The following RPS3 variants were observed in gnomAD, a reference collection of about 807,000 sequenced individuals.
RPS3 encodes ribosomal protein S3.
Under a neutral mutation model 25.8 loss-of-function variants are expected in RPS3, and 2 were observed. The observed-to-expected ratio is 0.08, with a 90% CI of 0.03 to 0.24. The LOEUF is 0.24. RPS3 is among the 10% of genes least tolerant of loss of function. RPS3 has a pLI of 1.00. For missense variants in RPS3, 107 were observed against 307.1 expected, an observed-to-expected ratio of 0.35 and a Z score of 4.87; for synonymous variants, 114 against 114.2, an observed-to-expected ratio of 1.00 and a Z score of 0.01.
At chr11:75,419,729 G>A (rs1049370138) in intron 6 of RPS3, among the ~76,000 whole-genome samples, 1 of 151,954 alleles carries the variant, frequency 6.6e-6, no homozygotes, top group African/African-American at 2.4e-5. Flanking sequence ...CACCTCCCAG[G>A]TTCAAGCAAT....
chr11:75,410,047 G>C (rs1243952359), downstream of RPS3, among the ~76,000 whole-genome samples: 2 of 143,072 alleles, frequency 1.4e-5, no homozygotes, highest in Non-Finnish European at 3.1e-5. Context: ...TCCCGGACGG[G>C]GCGGCTGGCC....
intron 6 of RPS3, among the ~76,000 whole-genome samples, chr11:75,421,268 C>T (rs1425941992): frequency 6.6e-6 from 1 of 152,136 alleles, no homozygotes; most frequent in Non-Finnish European, 1.5e-5. Context: ...GTAGACAGGG[C>T]CCTGGGGCTT....
At chr11:75,402,140 T>A in intron 3 of RPS3, 1 of 631,204 alleles carries the variant, frequency 1.6e-6, no homozygotes, top group Non-Finnish European at 2.7e-6. Flanking sequence ...GAAGAAGAAA[T>A]GTCTTGGGCC....
downstream of RPS3, among the ~76,000 whole-genome samples, chr11:75,407,231 T>C (rs1486053727): frequency 1.3e-5 from 2 of 152,068 alleles, no homozygotes; most frequent in South Asian, 2.1e-4. Flanking sequence ...CTCCGCCTCC[T>C]GGGTTCAAGC....
At chr11:75,421,687 AGTT>A (rs1457501126) in intron 6 of RPS3, 1 of 152,198 alleles carries the variant, frequency 6.6e-6, no homozygotes, top group Non-Finnish European at 1.5e-5. Context: ...TCCACTCCGT[AGTT>A]GTTCAGGGAT....
chr11:75,407,671 C>T (rs962047425), downstream of RPS3, among the ~76,000 whole-genome samples: 5 of 151,792 alleles, frequency 3.3e-5, no homozygotes, highest in East Asian at 1.9e-4. Flanking sequence ...GGGGTTTCAC[C>T]GTGTTAGCCA....
At chr11:75,402,143 C>A (rs528954822) in intron 3 of RPS3, 1 of 648,328 alleles carries the variant, frequency 1.5e-6, no homozygotes, top group African/African-American at 1.8e-5. Flanking sequence ...GAAGAAATGT[C>A]TTGGGCCACA....
intron 4 of RPS3, 114 bp downstream of exon 4, chr11:75,402,560 C>T: frequency 8.9e-7 from 1 of 1,127,592 alleles, no homozygotes; most frequent in Non-Finnish European, 1.3e-6. Flanking sequence ...TGCTAGTCTC[C>T]CAGGGTTATA....
intron 3 of RPS3, 111 bp downstream of exon 3, chr11:75,401,844 C>A: frequency 1.4e-6 from 1 of 691,964 alleles, no homozygotes; most frequent in Admixed American, 2.6e-5. Flanking sequence ...ACTGGTATAA[C>A]TGTTGAAATT....
At chr11:75,413,147 C>T (rs1324533636) in intron 6 of RPS3, among the ~76,000 whole-genome samples, 2 of 152,160 alleles carry the variant, frequency 1.3e-5, no homozygotes, top group Non-Finnish European at 2.9e-5. Context: ...TATTCATAAA[C>T]ATGGTAAAAT....
chr11:75,410,592 C>A (rs1356413008), downstream of RPS3, among the ~76,000 whole-genome samples: 1 of 152,368 alleles, frequency 6.6e-6, no homozygotes, highest in East Asian at 1.9e-4. Flanking sequence ...GGGGTGGCGG[C>A]CGGGCAGAGG....
At chr11:75,421,124 C>A (rs1948440560) in intron 6 of RPS3, among the ~76,000 whole-genome samples, 1 of 152,228 alleles carries the variant, frequency 6.6e-6, no homozygotes, top group African/African-American at 2.4e-5. Flanking sequence ...CCACTCCCCT[C>A]CTCCACTGCC....
chr11:75,410,661 C>T (rs1234309270), downstream of RPS3, among the ~76,000 whole-genome samples: 3 of 152,268 alleles, frequency 2.0e-5, no homozygotes, highest in East Asian at 2.0e-4. Flanking sequence ...TTGTAGCGAG[C>T]CGAGATCACG....
At chr11:75,411,059 G>A (rs779438193), downstream of RPS3, among the ~76,000 whole-genome samples, 3 of 152,006 alleles carry the variant, frequency 2.0e-5, no homozygotes, top group African/African-American at 2.4e-5. Context: ...TGTATTTTTC[G>A]TAGAGATGGG....
chr11:75,410,657 C>G (rs796489250), downstream of RPS3, among the ~76,000 whole-genome samples: 287 of 142,992 alleles, frequency 2.0e-3, no homozygotes, highest in South Asian at 3.2e-3. Context: ...GTGGTTGTAG[C>G]GAGCCGAGAT....
At chr11:75,411,904 G>T (rs1450838539), downstream of RPS3, among the ~76,000 whole-genome samples, 5 of 152,216 alleles carry the variant, frequency 3.3e-5, no homozygotes. Flanking sequence ...GACATTGTCA[G>T]TGTCCTTTAG....
intron 6 of RPS3, among the ~76,000 whole-genome samples, chr11:75,420,139 C>T (rs184283326): frequency 6.6e-6 from 1 of 152,328 alleles, no homozygotes; most frequent in Admixed American, 6.5e-5. Flanking sequence ...GCCTGGCTTC[C>T]TGCTAAGTGG....
At chr11:75,411,069 G>C (rs139125728), downstream of RPS3, among the ~76,000 whole-genome samples, 2 of 152,032 alleles carry the variant, frequency 1.3e-5, no homozygotes, top group Non-Finnish European at 2.9e-5. Context: ...GTAGAGATGG[G>C]GTTTCACCAT....
At chr11:75,409,805 G>A (rs1239954159), downstream of RPS3, among the ~76,000 whole-genome samples, 19 of 131,614 alleles carry the variant, frequency 1.4e-4, no homozygotes, top group Admixed American at 2.2e-4. Flanking sequence ...GCGGCTGGCT[G>A]GGCGGGGGGC....
Sources: allele counts gnomAD v4.1 joint callset (sites outside exome capture counted in the v4.1 genomes callset), GRCh38; gene constraint gnomAD v4.1.1; transcripts MANE v1.5; gene names NCBI Gene and HGNC (gene_info 2026-07-23, HGNC 2026-07-21).